Variants in ZDHHC15 observed in about 807,000 individuals in gnomAD.
ZDHHC15 encodes palmitoyltransferase ZDHHC15.
A neutral mutation model predicts 31.7 loss-of-function variants in ZDHHC15; 19 were observed. The ratio of observed to expected loss-of-function variants is 0.60; its 90% confidence interval spans 0.42 to 0.88. The LOEUF (loss-of-function observed/expected upper bound fraction) is 0.88, where lower values mean the gene tolerates loss of function less well. Among genes scored for constraint, ZDHHC15 ranks in the 40% least tolerant of loss-of-function variants. The probability of loss-of-function intolerance (pLI) is 0.00; values close to 1 mark genes in which losing one functional copy is unlikely to be tolerated. For missense variants in ZDHHC15, 209 were observed against 251.2 expected (o/e 0.83, Z 1.14); for synonymous variants, 103 against 90.0 (o/e 1.14, Z -0.82).
rs2084646819 is a variant in ZDHHC15, at chrX:75,478,919, A to C, written c.230T>G (p.Phe77Cys). ...CTGGTTTGGCTGCTGTGGGAGTGTA[A>C]AGATAGACTTCCAGTAGGTCCAGGT... ...FFTWTYWKSI[F>C]TLPQQPNQKF... The change falls in exon 3 of 12, where the codon TTT becomes TGT. Residue 77 changes from phenylalanine to cysteine, a missense_variant. Transcript: ENST00000373367. 1.7e-6 allele frequency: 2 copies of C among 1,204,720 alleles called. No individual in the cohort carries two copies. The highest frequency in any genetic ancestry group is 1.8e-5 in the African/African-American group (1 of 56,725).
intron 3 of ZDHHC15, among the ~76,000 whole-genome samples, chrX:75,460,865 G>A (rs1380698763): frequency 8.9e-6 from 1 of 111,888 alleles, no homozygotes; most frequent in African/African-American, 3.2e-5. Context: ...AAAACAAAAC[G>A]CCAGAGTGTC....
intron 1 of ZDHHC15, among the ~76,000 whole-genome samples, chrX:75,507,254 A>G (rs2085182546): frequency 9.0e-6 from 1 of 111,363 alleles, no homozygotes; most frequent in African/African-American, 3.3e-5. Context: ...CATTACATAC[A>G]CTTGGAAATG....
chrX:75,467,604 C>A (rs1455101636), intron 3 of ZDHHC15, among the ~76,000 whole-genome samples: 1 of 112,005 alleles, frequency 8.9e-6, no homozygotes, highest in Non-Finnish European at 1.9e-5. Flanking sequence ...AAGATGTGGT[C>A]TTAAGTGTTA....
At chrX:75,476,309 T>C (rs1010803833) in intron 3 of ZDHHC15, among the ~76,000 whole-genome samples, 8 of 110,974 alleles carry the variant, frequency 7.2e-5, no homozygotes, top group African/African-American at 2.3e-4. Context: ...AAATATTTGA[T>C]AGAATTCATC....
At chrX:75,398,316 C>T (rs1386381432) in intron 10 of ZDHHC15, among the ~76,000 whole-genome samples, 1 of 112,161 alleles carries the variant, frequency 8.9e-6, no homozygotes, top group Non-Finnish European at 1.9e-5. Context: ...CAGCCTAGCT[C>T]CTCTACCAAA....
At chrX:75,448,321 G>T in intron 4 of ZDHHC15, among the ~76,000 whole-genome samples, 1 of 112,171 alleles carries the variant, frequency 8.9e-6, no homozygotes, top group Admixed American at 9.5e-5. Context: ...AAAGGCAAAG[G>T]GAGTACAGAA....
intron 10 of ZDHHC15, among the ~76,000 whole-genome samples, chrX:75,386,696 C>T (rs1445902865): frequency 8.9e-6 from 1 of 112,059 alleles, no homozygotes; most frequent in Non-Finnish European, 1.9e-5. Flanking sequence ...AGGCTGGTCT[C>T]AAACTTCTGG....
chrX:75,384,689 G>A, intron 10 of ZDHHC15: 1 of 821,221 alleles, frequency 1.2e-6, no homozygotes, highest in Non-Finnish European at 1.8e-6. Context: ...AATGATCAGA[G>A]AAAGAAATAA....
chrX:75,518,969 T>A (rs1378583248), intron 1 of ZDHHC15, among the ~76,000 whole-genome samples: 2 of 107,990 alleles, frequency 1.9e-5, no homozygotes, highest in Admixed American at 2.0e-4. Flanking sequence ...TATTTTATGA[T>A]TCTATTTATA....
rs2147736789 is a variant in ZDHHC15 at position 75,369,265 on chromosome X, T to G, written c.*3713A>C. 9.0e-6 allele frequency: 1 copy of G among 111,441 alleles called. No homozygotes were observed. The highest frequency in any genetic ancestry group is 3.8e-4 in the South Asian group (1 of 2,618). The allele number at this position is 111,441 out of a possible 1,213,427, so 9.2% of individuals were successfully genotyped here. A position where few individuals can be genotyped will look rare whatever the true frequency, so the allele number is the denominator to read the frequency against. ...AAAACAGATAATCATTCTTTTAAAT[T>G]AAAGTATTTGCTCCTGCTGAAGAGG... On this transcript the variant is annotated 3_prime_UTR_variant, in exon 12 of 12. Coordinates refer to ENST00000373367, the MANE Select transcript of ZDHHC15 (RefSeq NM_144969.3).
At chrX:75,460,049 A>G (rs1268634702) in intron 3 of ZDHHC15, among the ~76,000 whole-genome samples, 1 of 111,884 alleles carries the variant, frequency 8.9e-6, no homozygotes, top group South Asian at 3.7e-4. Flanking sequence ...CTAATTTTGT[A>G]TTTTTAGTAG....
chrX:75,444,599 G>A (rs766291067), intron 4 of ZDHHC15, among the ~76,000 whole-genome samples: 5 of 89,184 alleles, frequency 5.6e-5, no homozygotes, highest in South Asian at 6.5e-4. Flanking sequence ...CACATGTACC[G>A]TACAACTTAA....
intron 1 of ZDHHC15, among the ~76,000 whole-genome samples, chrX:75,521,163 T>C (rs1243077616): frequency 9.0e-6 from 1 of 110,818 alleles, no homozygotes; most frequent in Non-Finnish European, 1.9e-5. Flanking sequence ...TCAGGAGTCC[T>C]ACTGTGAGAG....
intron 4 of ZDHHC15, among the ~76,000 whole-genome samples, chrX:75,443,592 G>A (rs759117518): frequency 8.9e-6 from 1 of 111,744 alleles, no homozygotes; most frequent in African/African-American, 3.3e-5. Context: ...CAAAAGCAAT[G>A]GCACAAAAGC....
intron 3 of ZDHHC15, among the ~76,000 whole-genome samples, chrX:75,452,208 GAAAA>G (rs139024642): frequency 0.012 from 1,007 of 84,951 alleles, 12 homozygotes; most frequent in African/African-American, 0.036. Context: ...AATAGAAAGC[GAAAA>G]AAAAAAAAAA....
intron 4 of ZDHHC15, among the ~76,000 whole-genome samples, chrX:75,444,765 G>A (rs919012589): frequency 4.1e-5 from 4 of 97,153 alleles, no homozygotes; most frequent in Admixed American, 1.2e-4. Flanking sequence ...CTGCAGACTG[G>A]AAATGGTAAT....
intron 2 of ZDHHC15, among the ~76,000 whole-genome samples, chrX:75,480,540 C>A (rs751629182): frequency 1.8e-5 from 2 of 110,916 alleles, no homozygotes; most frequent in Non-Finnish European, 3.8e-5. Flanking sequence ...TACCTGTCCC[C>A]CAGCCACCCA....
At chrX:75,507,734 T>C (rs1335559009) in intron 1 of ZDHHC15, among the ~76,000 whole-genome samples, 2 of 111,761 alleles carry the variant, frequency 1.8e-5, no homozygotes, top group African/African-American at 6.5e-5. Context: ...GGAGTTATCA[T>C]CAAATGGCTT....
In ZDHHC15 at chrX:75,428,979, G is replaced by T. The variant is rs745832659; in HGVS notation, c.603+99C>A. ...TCTTCCAGTTACTTCAACAGTATTA[G>T]CTATTTAAAAATGTAAAAAGATAGA... On this transcript the variant is annotated intron_variant, in intron 7 of 11. Transcript: ENST00000373367. The T allele has an allele frequency of 2.0e-4, 215 of 1,086,303 alleles. No individual in the cohort carries two copies. In the African/African-American group the frequency reaches 3.6e-3, roughly 18 times the overall value. The allele number at this position is 1,086,303 out of a possible 1,213,427, so 89.5% of individuals were successfully genotyped here.
Sources: allele counts gnomAD v4.1 joint callset (sites outside exome capture counted in the v4.1 genomes callset), GRCh38; gene constraint gnomAD v4.1.1; transcripts MANE v1.5; gene names NCBI Gene and HGNC (gene_info 2026-07-23, HGNC 2026-07-21).